PELI2: variants seen among roughly 807,000 people sequenced by gnomAD.
PELI2 encodes E3 ubiquitin-protein ligase pellino homolog 2.
PELI2 carries 23 observed loss-of-function variants against 42.3 expected under a neutral mutation model. The ratio of observed to expected loss-of-function variants is 0.54; its 90% confidence interval spans 0.39 to 0.77. PELI2 has a LOEUF of 0.77. Ranked by LOEUF, PELI2 falls within the 30% of genes least tolerant of loss-of-function variation. The pLI, the probability that PELI2 is intolerant of heterozygous loss-of-function variation, is 0.00. For missense variants in PELI2, 463 were observed against 553.2 expected, an observed-to-expected ratio of 0.84 and a Z score of 1.64; for synonymous variants, 245 against 212.2, an observed-to-expected ratio of 1.15 and a Z score of -1.34.
chr14:56,207,484 A>G (rs887651827), intron 2 of PELI2, among the ~76,000 whole-genome samples: 12 of 152,218 alleles, frequency 7.9e-5, no homozygotes, highest in Non-Finnish European at 1.2e-4. Flanking sequence ...AAGTCCCACT[A>G]GAACATGATA....
intron 2 of PELI2, among the ~76,000 whole-genome samples, chr14:56,206,117 C>T (rs1280435115): frequency 6.6e-6 from 1 of 152,264 alleles, no homozygotes; most frequent in East Asian, 1.9e-4. Flanking sequence ...ACTTCATTTA[C>T]TAGAGTATTT....
chr14:56,278,642 A>G (rs1889375640), intron 2 of PELI2, among the ~76,000 whole-genome samples: 1 of 152,180 alleles, frequency 6.6e-6, no homozygotes, highest in South Asian at 2.1e-4. Flanking sequence ...CTAACTTCAG[A>G]GTTGATTTGG....
At chr14:56,198,681 G>A (rs959451330) in intron 2 of PELI2, among the ~76,000 whole-genome samples, 2 of 152,160 alleles carry the variant, frequency 1.3e-5, no homozygotes, top group Non-Finnish European at 2.9e-5. Flanking sequence ...CAGTGATGGG[G>A]AGTAGCAAAA....
intron 2 of PELI2, among the ~76,000 whole-genome samples, chr14:56,214,840 G>A (rs914626651): frequency 6.6e-6 from 1 of 152,186 alleles, no homozygotes; most frequent in Non-Finnish European, 1.5e-5. Context: ...CATAGCCTCC[G>A]GGATTCCACA....
In PELI2 at chr14:56,161,933, C is replaced by T. The variant is rs536443110; in HGVS notation, c.78-16402C>T. On this transcript the variant is annotated intron_variant, in intron 1 of 5. Coordinates refer to ENST00000267460, the MANE Select transcript of PELI2 (RefSeq NM_021255.3). ...GTTCTCTGGCCAGAAATCAAACCTA[C>T]GTACTTTGTAAGACTTTCCCATATG... is the stretch of plus-strand genomic sequence containing the variant. 6.6e-5 allele frequency among the ~76,000 whole-genome samples: 10 copies of T among 152,228 alleles called. No homozygotes were observed. In the East Asian group the frequency reaches 1.9e-3, roughly 29 times the overall value.
At chr14:56,132,496 T>C (rs1566598189) in intron 1 of PELI2, among the ~76,000 whole-genome samples, 1 of 152,174 alleles carries the variant, frequency 6.6e-6, no homozygotes, top group Non-Finnish European at 1.5e-5. Flanking sequence ...GATAGCTGTG[T>C]AGGCGGACAG....
intron 2 of PELI2, among the ~76,000 whole-genome samples, chr14:56,217,002 TA>T (rs1340798730): frequency 1.3e-4 from 20 of 152,260 alleles, no homozygotes; most frequent in Non-Finnish European, 5.9e-5. Context: ...TTCTAGAAGT[TA>T]TTTTTTTTTA....
chr14:56,267,892 T>C (rs1888963949), intron 2 of PELI2, among the ~76,000 whole-genome samples: 1 of 152,224 alleles, frequency 6.6e-6, no homozygotes, highest in Admixed American at 6.5e-5. Context: ...TTTCAATCTT[T>C]ATATTCCTCA....
chr14:56,118,772 GC>G, intron 1 of PELI2, 35 bp downstream of exon 1: 1 of 1,401,468 alleles, frequency 7.1e-7, no homozygotes, highest in Non-Finnish European at 9.5e-7. Flanking sequence ...GGGCAGCGGC[GC>G]GGGCGGGGAG....
In PELI2 at chr14:56,119,023, G is replaced by A. The variant is rs534416378; in HGVS notation, c.77+286G>A. On this transcript the variant is annotated intron_variant, in intron 1 of 5. Coordinates refer to ENST00000267460, the MANE Select transcript of PELI2 (RefSeq NM_021255.3). ...CCAGCGGGGGCAGCGCCGGGCACCGGGTCCGCGGCCGTATCGTGGGGGCGG... is the reference window on the plus strand; with the variant it reads ...CCAGCGGGGGCAGCGCCGGGCACCGAGTCCGCGGCCGTATCGTGGGGGCGG... 3.5e-4 allele frequency: 66 copies of A among 188,686 alleles called. No homozygotes were observed. In the South Asian group the frequency reaches 6.3e-3, roughly 18 times the overall value. The allele number at this position is 188,686 out of a possible 1,614,324, so 11.7% of individuals were successfully genotyped here.
chr14:56,278,225 CAT>C (rs1206868706), intron 2 of PELI2, among the ~76,000 whole-genome samples: 2 of 152,054 alleles, frequency 1.3e-5, no homozygotes, highest in Non-Finnish European at 2.9e-5. Context: ...TTAAGATAAA[CAT>C]GTACTTTTTA....
intron 2 of PELI2, among the ~76,000 whole-genome samples, chr14:56,201,588 G>A (rs1354900348): frequency 3.3e-5 from 5 of 152,182 alleles, no homozygotes; most frequent in African/African-American, 1.2e-4. Context: ...TATTATGGAT[G>A]AATTGTATTG....
chr14:56,242,705 A>T (rs1888017535), intron 2 of PELI2, among the ~76,000 whole-genome samples: 1 of 152,268 alleles, frequency 6.6e-6, no homozygotes, highest in Admixed American at 6.5e-5. Flanking sequence ...ATTTGCAGCA[A>T]CTTGGATGGA....
At chr14:56,256,138 C>A (rs1307475687) in intron 2 of PELI2, among the ~76,000 whole-genome samples, 2 of 152,110 alleles carry the variant, frequency 1.3e-5, no homozygotes, top group African/African-American at 4.8e-5. Context: ...ACAAAAAATA[C>A]CATTTACACT....
intron 2 of PELI2, among the ~76,000 whole-genome samples, chr14:56,202,081 A>G (rs1005903543): frequency 2.0e-5 from 3 of 152,238 alleles, no homozygotes; most frequent in African/African-American, 4.8e-5. Flanking sequence ...CACAACTGCT[A>G]AGTGATGTTG....
chr14:56,136,961 C>A (rs1288123712), intron 1 of PELI2, among the ~76,000 whole-genome samples: 2 of 152,192 alleles, frequency 1.3e-5, no homozygotes, highest in South Asian at 4.1e-4. Flanking sequence ...AACTGCTTCA[C>A]ACTTCCTTGC....
intron 5 of PELI2, among the ~76,000 whole-genome samples, chr14:56,293,947 C>T (rs997073140): frequency 1.3e-5 from 2 of 152,152 alleles, no homozygotes; most frequent in Non-Finnish European, 2.9e-5. Flanking sequence ...ACAGTTTTAT[C>T]CTGCAATGAG....
intron 1 of PELI2, among the ~76,000 whole-genome samples, chr14:56,169,845 C>T (rs765296997): frequency 3.3e-5 from 5 of 152,072 alleles, no homozygotes; most frequent in Middle Eastern, 3.2e-3. Context: ...CTTTATAGTC[C>T]ATTGGGTCAG....
intron 2 of PELI2, among the ~76,000 whole-genome samples, chr14:56,189,028 C>G (rs1482627090): frequency 6.6e-6 from 1 of 152,122 alleles, no homozygotes. Flanking sequence ...GGTGTGGTGG[C>G]CTGTGCCTGT....
Sources: gnomAD v4.1 joint callset for allele counts (sites outside exome capture counted in the v4.1 genomes callset) on GRCh38, gnomAD v4.1.1 for gene constraint, MANE v1.5 for transcripts, NCBI Gene and HGNC (gene_info 2026-07-23, HGNC 2026-07-21) for gene names.